The following ACMSD variants were observed in gnomAD, a reference collection of about 807,000 sequenced individuals.
The protein encoded by ACMSD is aminocarboxymuconate semialdehyde decarboxylase, also known as 2-amino-3-carboxymuconate-6-semialdehyde decarboxylase.
In ACMSD, 37 loss-of-function variants were observed where a neutral mutation model predicts 45.9. The observed-to-expected ratio is 0.81, with a 90% CI of 0.62 to 1.06. ACMSD has a LOEUF of 1.06. ACMSD is among the 50% of genes least tolerant of loss of function. The probability of loss-of-function intolerance (pLI) is 0.00; values close to 1 mark genes in which losing one functional copy is unlikely to be tolerated. For synonymous variants in ACMSD, 138 were observed against 148.8 expected, an observed-to-expected ratio of 0.93 and a Z score of 0.53; for missense variants, 434 against 420.9, an observed-to-expected ratio of 1.03 and a Z score of -0.27.
chr2:134,871,534 T>A (rs1402371909), intron 7 of ACMSD, among the ~76,000 whole-genome samples: 5 of 152,002 alleles, frequency 3.3e-5, no homozygotes, highest in African/African-American at 4.8e-5. Context: ...CTGTTTTTTT[T>A]ATTTAAATCC....
At chr2:134,839,343 G>C (rs181234808) in intron 1 of ACMSD, among the ~76,000 whole-genome samples, 2 of 152,274 alleles carry the variant, frequency 1.3e-5, no homozygotes, top group East Asian at 3.9e-4. Context: ...CTTTTGCACA[G>C]TGACATCTCC....
intron 2 of ACMSD, among the ~76,000 whole-genome samples, chr2:134,853,818 AT>A (rs1366519299): frequency 6.6e-6 from 1 of 152,132 alleles, no homozygotes; most frequent in Non-Finnish European, 1.5e-5. Context: ...CTTACCATGG[AT>A]CTAGCATGAA....
At chr2:134,845,509 G>GTC (rs59782657) in intron 2 of ACMSD, among the ~76,000 whole-genome samples, 9,094 of 94,260 alleles carry the variant, frequency 0.096, 538 homozygotes, top group African/African-American at 0.17. Flanking sequence ...ACATTAAAAG[G>GTC]TCTCTCTCTC....
At chr2:134,883,962 C>T (rs1410362730) in intron 8 of ACMSD, among the ~76,000 whole-genome samples, 1 of 152,144 alleles carries the variant, frequency 6.6e-6, no homozygotes, top group African/African-American at 2.4e-5. Flanking sequence ...GAACAAGAAA[C>T]TCAATAAAAA....
chr2:134,863,482 G>C lies in ACMSD; in HGVS notation c.337G>C (p.Gly113Arg). 6.2e-7 allele frequency: 1 copy of C among 1,614,222 alleles called. No individual in the cohort carries two copies. The highest frequency in any genetic ancestry group is 8.5e-7 in the Non-Finnish European group (1 of 1,180,042). Residue 113 changes from glycine to arginine, a missense_variant, in exon 5 of 10, where the codon GGT (glycine) becomes CGT (arginine). Physicochemically the swap from Gly to Arg is moderately radical, Grantham distance 125. Coordinates refer to ENST00000356140, the MANE Select transcript of ACMSD (RefSeq NM_138326.3). ...TGTGAGCTACCCCAGGAGGTTCGTG[G>C]GTCTGGGGACGTTGCCCATGCAGGC... Reference protein sequence around the residue: ...TVVSYPRRFVGLGTLPMQAPE... With the variant: ...TVVSYPRRFVRLGTLPMQAPE...
rs183846572 is a variant in ACMSD at position 134,883,745 on chromosome 2, C to G, written c.849+11104C>G. 2.6e-4 allele frequency among the ~76,000 whole-genome samples: 40 copies of G among 152,272 alleles called. 1 individual carries two copies. Among genetic ancestry groups the G allele is most frequent in the Middle Eastern group, 3.4e-3 (1 of 294 alleles). ...GCTTCTGGCTGAAAGTGATCCCCCC[C>G]ACCTCAGCCTCCCAGAGTGCTACAA... is the stretch of plus-strand genomic sequence containing the variant. On this transcript the variant is annotated intron_variant, in intron 8 of 9. Coordinates refer to ENST00000356140, the MANE Select transcript of ACMSD (RefSeq NM_138326.3).
chr2:134,869,825 T>C (rs1688332062), intron 6 of ACMSD, among the ~76,000 whole-genome samples: 1 of 152,120 alleles, frequency 6.6e-6, no homozygotes, highest in African/African-American at 2.4e-5. Context: ...ATGATCCAAT[T>C]CACATTATGA....
At chr2:134,890,894 A>C (rs371257519) in intron 8 of ACMSD, among the ~76,000 whole-genome samples, 8 of 152,118 alleles carry the variant, frequency 5.3e-5, no homozygotes, top group East Asian at 1.9e-4. Context: ...TTAGTGAATA[A>C]AAAATAGGAG....
At chr2:134,867,503 T>A in intron 5 of ACMSD, 76 bp from the exon 6 acceptor site, 1 of 1,159,482 alleles carries the variant, frequency 8.6e-7, no homozygotes, top group South Asian at 1.3e-5. Flanking sequence ...AGAAAAGCAG[T>A]TTCCCCAAAA....
intron 8 of ACMSD, among the ~76,000 whole-genome samples, chr2:134,876,218 A>G (rs1004293124): frequency 5.9e-5 from 9 of 151,978 alleles, no homozygotes; most frequent in African/African-American, 2.2e-4. Context: ...TTTCATAAAC[A>G]CCCTACACTT....
At chr2:134,862,258 A>G (rs1020473053) in intron 4 of ACMSD, among the ~76,000 whole-genome samples, 23 of 152,178 alleles carry the variant, frequency 1.5e-4, no homozygotes, top group Admixed American at 1.3e-3. Flanking sequence ...TTCACTGTAC[A>G]GTGGTACTAG....
chr2:134,864,333 T>A lies in ACMSD; in HGVS notation c.486+702T>A, dbSNP rs570119998. On this transcript the variant is annotated intron_variant, in intron 5 of 9. Transcript: ENST00000356140. The stretch of plus-strand genomic sequence containing the variant: ...ACATTTTTCAAAATTATGAAATAAT[T>A]TGGAAGAAATTATCGAAAATACAGA... Among the ~76,000 whole-genome samples the A allele has an allele frequency of 2.4e-4, 37 of 152,058 alleles. No homozygotes were observed. The South Asian group carries it at 7.7e-3, about 32-fold the overall frequency.
chr2:134,867,765 G>C, intron 6 of ACMSD, 93 bp downstream of exon 6: 1 of 1,017,182 alleles, frequency 9.8e-7, no homozygotes, highest in Non-Finnish European at 1.5e-6. Context: ...GGGAAAGTAT[G>C]AATAATTAAC....
rs1333710967 is a variant in ACMSD, at chr2:134,897,334, T to C, written c.850-1007T>C. ...TCAAAGCATAGCAGACACATTGTTC[T>C]AGACTCTTTATTTCTCTTTATAACT... On this transcript the variant is annotated intron_variant, in intron 8 of 9. Coordinates refer to ENST00000356140, the MANE Select transcript of ACMSD (RefSeq NM_138326.3). 3.3e-5 allele frequency among the ~76,000 whole-genome samples: 5 copies of C among 152,186 alleles called. No individual in the cohort carries two copies. The South Asian group carries it at 8.3e-4, about 25-fold the overall frequency.
intron 2 of ACMSD, among the ~76,000 whole-genome samples, chr2:134,854,805 A>G (rs1306794737): frequency 7.0e-6 from 1 of 142,768 alleles, no homozygotes; most frequent in Non-Finnish European, 1.5e-5. Flanking sequence ...AAGTATAATG[A>G]TCCACATTTT....
At chr2:134,889,734 G>A (rs1689668557) in intron 8 of ACMSD, among the ~76,000 whole-genome samples, 1 of 151,934 alleles carries the variant, frequency 6.6e-6, no homozygotes, top group Admixed American at 6.6e-5. Flanking sequence ...TTGGTCTTGA[G>A]GGTAACTGTA....
At chr2:134,898,310 A>G in intron 8 of ACMSD, 31 bp from the exon 9 acceptor site, 1 of 1,445,602 alleles carries the variant, frequency 6.9e-7, no homozygotes, top group Non-Finnish European at 9.4e-7. Flanking sequence ...GTTTTACAAA[A>G]CAACAGAGAA....
intron 8 of ACMSD, among the ~76,000 whole-genome samples, chr2:134,880,831 G>A (rs1463609901): frequency 6.6e-6 from 1 of 152,178 alleles, no homozygotes; most frequent in Non-Finnish European, 1.5e-5. Context: ...GGGCAAGACA[G>A]AGGTAATAAT....
intron 3 of ACMSD, among the ~76,000 whole-genome samples, chr2:134,860,358 TGAG>T (rs1397614777): frequency 2.6e-5 from 4 of 152,202 alleles, no homozygotes; most frequent in African/African-American, 9.6e-5. Context: ...CTGTGCCACC[TGAG>T]GAGAACATGC....
Sources: allele counts gnomAD v4.1 joint callset (sites outside exome capture counted in the v4.1 genomes callset), GRCh38; gene constraint gnomAD v4.1.1; transcripts MANE v1.5; gene names NCBI Gene and HGNC (gene_info 2026-07-23, HGNC 2026-07-21).